TPH1: variants seen among roughly 807,000 people sequenced by gnomAD.
TPH1 encodes the protein tryptophan 5-hydroxylase 1.
TPH1 carries 37 observed loss-of-function variants against 49.5 expected under a neutral mutation model. That is an observed-to-expected ratio of 0.75 (90% CI 0.58 to 0.98). The LOEUF is 0.98. Ranked by LOEUF, TPH1 falls within the 50% of genes least tolerant of loss-of-function variation. TPH1 has a pLI of 0.00. For synonymous variants in TPH1, 160 were observed against 182.1 expected (o/e 0.88, Z 0.98); for missense variants, 487 against 523.6 (o/e 0.93, Z 0.68).
chr11:18,038,539 A>G (rs1277672299), intron 2 of TPH1, among the ~76,000 whole-genome samples: 1 of 152,232 alleles, frequency 6.6e-6, no homozygotes, highest in Non-Finnish European at 1.5e-5. Flanking sequence ...GCTCTCTATC[A>G]GAAGAGAGAA....
chr11:18,021,216 G>C (rs776633846), intron 10 of TPH1, 51 bp from the exon 11 acceptor site: 1 of 1,555,490 alleles, frequency 6.4e-7, no homozygotes, highest in Admixed American at 1.7e-5. Flanking sequence ...AGTGAATGAT[G>C]AAAACTAAAC....
intron 3 of TPH1, among the ~76,000 whole-genome samples, chr11:18,034,761 G>A (rs901319754): frequency 2.6e-5 from 4 of 152,022 alleles, no homozygotes; most frequent in Admixed American, 2.0e-4. Context: ...CTTTTGCCTC[G>A]AGTGAACTCC....
At chr11:18,030,224 CA>C (rs1338188841) in intron 4 of TPH1, among the ~76,000 whole-genome samples, 1 of 151,050 alleles carries the variant, frequency 6.6e-6, no homozygotes, top group Non-Finnish European at 1.5e-5. Context: ...GCCTGGGCAA[CA>C]AAGGGAGACC....
rs1205215933 is a variant in TPH1 at position 18,036,136 on chromosome 11, G to A, written c.124C>T (p.His42Tyr). 6.2e-7 allele frequency: 1 copy of A among 1,612,348 alleles called. No individual in the cohort carries two copies. Among genetic ancestry groups the A allele is most frequent in the East Asian group, 2.2e-5 (1 of 44,804 alleles). The change falls in exon 3 of 11, where the codon CAT becomes TAT. Residue 42 changes from histidine (H) to tyrosine (Y), a missense_variant. By Grantham distance (83) the His-to-Tyr change is moderately conservative. Coordinates refer to ENST00000682019, the MANE Select transcript of TPH1 (RefSeq NM_004179.3). ...IKALKIFQEK[H>Y]VNLLHIESRK... ...GACTCGATATGTAACAGATTCACAT[G>A]CTTCTCCTGTGTAAAGCACAGGGAA...
At chr11:18,035,622 T>C (rs916381991) in intron 3 of TPH1, among the ~76,000 whole-genome samples, 2 of 152,014 alleles carry the variant, frequency 1.3e-5, no homozygotes, top group Non-Finnish European at 2.9e-5. Flanking sequence ...ACAGACTGGG[T>C]CTCTCCATGT....
At chr11:18,032,535 A>ATG (rs1848000721) in intron 4 of TPH1, among the ~76,000 whole-genome samples, 1 of 138,864 alleles carries the variant, frequency 7.2e-6, no homozygotes, top group Admixed American at 7.2e-5. Flanking sequence ...ACTTGTTGAA[A>ATG]TCTTTTTTTT....
intron 2 of TPH1, among the ~76,000 whole-genome samples, chr11:18,037,901 G>C (rs1848061155): frequency 1.3e-5 from 2 of 152,334 alleles, no homozygotes; most frequent in South Asian, 4.1e-4. Flanking sequence ...AGTCTGTCCA[G>C]CTCCACAGTC....
At chr11:18,039,511 G>T (rs1226156544) in intron 2 of TPH1, among the ~76,000 whole-genome samples, 1 of 152,150 alleles carries the variant, frequency 6.6e-6, no homozygotes, top group African/African-American at 2.4e-5. Flanking sequence ...AGGACAAGTG[G>T]CTTATTTATA....
In TPH1 at chr11:18,019,115, A is replaced by C. The variant is rs1399907288; in HGVS notation, c.*1876T>G. On this transcript the variant is annotated 3_prime_UTR_variant, in exon 11 of 11. Transcript: ENST00000682019. Reference sequence around the variant, plus strand: ...GAGTTGATTAGCTATTAAAATGTACAATGTAAAAATTTAAAACAGCATGAA... The same window carrying C: ...GAGTTGATTAGCTATTAAAATGTACCATGTAAAAATTTAAAACAGCATGAA... 6.6e-6 allele frequency: 1 copy of C among 152,444 alleles called. No individual in the cohort carries two copies. The highest frequency in any genetic ancestry group is 1.5e-5 in the Non-Finnish European group (1 of 68,214). 9.4% of individuals were successfully genotyped at this position (152,444 alleles called of 1,614,324 possible).
intron 1 of TPH1, among the ~76,000 whole-genome samples, chr11:18,044,092 G>A (rs1428824579): frequency 6.6e-6 from 1 of 152,100 alleles, no homozygotes; most frequent in East Asian, 1.9e-4. Flanking sequence ...TTTATGATAT[G>A]CAAGGCATTT....
rs192419320 is a variant in TPH1, at chr11:18,032,023, T to A, written c.402+1251A>T. ...CGGCAAGTACTGCAATTAATTGCAA[T>A]AGTTATTCAATAAGATTATAGAATA... On this transcript the variant is annotated intron_variant, in intron 4 of 10. Coordinates refer to ENST00000682019, the MANE Select transcript of TPH1 (RefSeq NM_004179.3). Among the ~76,000 whole-genome samples the A allele has an allele frequency of 1.9e-3, 292 of 152,304 alleles. 2 individuals are homozygous for A. The highest frequency in any genetic ancestry group is 6.8e-3 in the African/African-American group (284 of 41,540).
intron 6 of TPH1, among the ~76,000 whole-genome samples, chr11:18,028,021 T>C (rs1182599756): frequency 6.6e-6 from 1 of 152,236 alleles, no homozygotes; most frequent in Admixed American, 6.5e-5. Context: ...CTAAACTCTC[T>C]TGAGTCACAG....
chr11:18,022,849 T>C lies in TPH1; in HGVS notation c.1109A>G (p.Gln370Arg). Residue 370 changes from glutamine (Q) to arginine (R), a missense_variant, in exon 10 of 11, where the codon CAA (glutamine) becomes CGA (arginine). Transcript: ENST00000682019. ...CKQECLITTF[Q>R]DVYFVSESFE... ...ACTTTCAGATACAAAGTAGACATCT[T>C]GAAAAGTTGTGATAAGACATTCCTG... 1 of 1,613,580 alleles carries C rather than the reference T, an allele frequency of 6.2e-7. No homozygotes were observed. The highest frequency in any genetic ancestry group is 8.5e-7 in the Non-Finnish European group (1 of 1,179,632).
rs1754173955 is a variant in TPH1, at chr11:18,018,926, A to G, written c.*2065T>C. 6.6e-6 allele frequency: 1 copy of G among 151,626 alleles called. No homozygotes were observed. The highest frequency in any genetic ancestry group is 2.4e-5 in the African/African-American group (1 of 41,274). 9.4% of individuals were successfully genotyped at this position (151,626 alleles called of 1,614,324 possible). ...ATTTCCTTTTTCTACATGTTCTAAG[A>G]TTTGCTTTTTTTAATTTCTTTTTTT... On this transcript the variant is annotated 3_prime_UTR_variant, in exon 11 of 11. Transcript: ENST00000682019.
chr11:18,033,318 T>G lies in TPH1; in HGVS notation c.358A>C (p.Asn120His). 6.2e-7 allele frequency: 1 copy of G among 1,614,118 alleles called. No homozygotes were observed. Among genetic ancestry groups the G allele is most frequent in the Non-Finnish European group, 8.5e-7 (1 of 1,179,992 alleles). ...TCAGATCCATACATCAGAACTCTGT[T>G]GGCACAATGGTCCAGGTCAGAAATC... ...KKISDLDHCA[N>H]RVLMYGSELD... Residue 120 changes from asparagine to histidine, a missense_variant, in exon 4 of 11, where the codon AAC becomes CAC. By Grantham distance (68) the Asn-to-His change is moderately conservative. Transcript: ENST00000682019.
intron 1 of TPH1, among the ~76,000 whole-genome samples, chr11:18,041,520 C>T (rs528249430): frequency 2.4e-4 from 37 of 152,322 alleles, no homozygotes; most frequent in African/African-American, 8.7e-4. Flanking sequence ...AGTTACCAAA[C>T]AGCTACCAGA....
chr11:18,025,800 C>T (rs759908867), intron 7 of TPH1, 99 bp from the exon 8 acceptor site: 66 of 1,513,254 alleles, frequency 4.4e-5, no homozygotes, highest in Admixed American at 2.2e-4. Context: ...TTCTAATGAT[C>T]GGGTGATAAT....
rs1190666545 is a variant in TPH1, at chr11:18,040,632, C to T, written c.117+14G>A. The T allele has an allele frequency of 3.7e-6, 6 of 1,607,058 alleles. No homozygotes were observed. The highest frequency in any genetic ancestry group is 5.1e-6 in the Non-Finnish European group (6 of 1,176,228). On this transcript the variant is annotated intron_variant, in intron 2 of 10. Transcript: ENST00000682019. The stretch of plus-strand genomic sequence containing the variant: ...TCTAGAAGAATTCTGTGCAAAAATA[C>T]AGAAAATGCTTACCTGAAAGATTTT...
In TPH1 at chr11:18,023,935, G is replaced by A. The variant is rs974536181; in HGVS notation, c.979C>T (p.Leu327=). 1.1e-5 allele frequency: 18 copies of A among 1,613,360 alleles called. No individual in the cohort carries two copies. Among genetic ancestry groups the A allele is most frequent in the Non-Finnish European group, 1.5e-5 (18 of 1,179,728 alleles). ...AGTAAGCCAGCACCAAAGACTCTTA[G>A]CTGTCCATCTTGTTTACATAGACCA... is the stretch of plus-strand genomic sequence containing the variant. ...EFGLCKQDGQ[L]RVFGAGLLSS... is the part of the protein sequence containing the mutation. Residue 327 remains leucine (L), a synonymous_variant, in exon 9 of 11, where the codon CTA becomes TTA. Transcript: ENST00000682019.
Sources: gnomAD v4.1 joint callset for allele counts (sites outside exome capture counted in the v4.1 genomes callset) on GRCh38, gnomAD v4.1.1 for gene constraint, MANE v1.5 for transcripts, NCBI Gene and HGNC (gene_info 2026-07-23, HGNC 2026-07-21) for gene names.